Variants in STRBP observed in about 807,000 individuals in gnomAD.
STRBP encodes the protein spermatid perinuclear RNA binding protein.
Under a neutral mutation model 80.1 loss-of-function variants are expected in STRBP, and 13 were observed. That is an observed-to-expected ratio of 0.16 (90% CI 0.11 to 0.26). STRBP has a LOEUF of 0.26. Among genes scored for constraint, STRBP ranks in the 10% least tolerant of loss-of-function variants. The pLI is 1.00. For missense variants in STRBP, 485 were observed against 815.2 expected (o/e 0.59, Z 4.93); for synonymous variants, 284 against 291.2 (o/e 0.98, Z 0.25).
intron 2 of STRBP, among the ~76,000 whole-genome samples, chr9:123,236,321 ATTTC>A (rs999641753): frequency 3.2e-4 from 49 of 152,238 alleles, no homozygotes; most frequent in African/African-American, 1.2e-3. Context: ...TTCCTATTTT[ATTTC>A]TATTTCATTT....
chr9:123,133,137 C>T (rs2036210909), intron 16 of STRBP, among the ~76,000 whole-genome samples, 169 bp from the exon 17 acceptor site: 1 of 152,182 alleles, frequency 6.6e-6, no homozygotes, highest in African/African-American at 2.4e-5. Flanking sequence ...AAAAATGATA[C>T]CTACCTTACA....
intron 1 of STRBP, among the ~76,000 whole-genome samples, chr9:123,240,349 G>C (rs994432100): frequency 2.0e-5 from 3 of 152,054 alleles, no homozygotes; most frequent in African/African-American, 7.2e-5. Context: ...CCGAAATCTA[G>C]AGATCCTGCA....
intron 1 of STRBP, among the ~76,000 whole-genome samples, chr9:123,238,287 A>G (rs117610636): frequency 3.9e-5 from 6 of 152,352 alleles, no homozygotes; most frequent in Non-Finnish European, 8.8e-5. Flanking sequence ...CATTTCTAAA[A>G]AATACAATCA....
At chr9:123,199,490 T>C (rs2039230557) in intron 2 of STRBP, among the ~76,000 whole-genome samples, 1 of 152,248 alleles carries the variant, frequency 6.6e-6, no homozygotes, top group Non-Finnish European at 1.5e-5. Context: ...ATTTTCACAA[T>C]ATTGATTCTT....
chr9:123,216,598 T>A (rs748912044), intron 2 of STRBP, among the ~76,000 whole-genome samples: 2 of 152,168 alleles, frequency 1.3e-5, no homozygotes, highest in Non-Finnish European at 2.9e-5. Context: ...AATCCAAGCT[T>A]ATCAGAGTGT....
chr9:123,208,917 A>G (rs2039615439), intron 2 of STRBP, among the ~76,000 whole-genome samples: 1 of 152,162 alleles, frequency 6.6e-6, no homozygotes, highest in African/African-American at 2.4e-5. Context: ...TTCCCCGAAC[A>G]CTTTAGCTGT....
At chr9:123,218,419 G>A (rs1193874366) in intron 2 of STRBP, among the ~76,000 whole-genome samples, 2 of 145,120 alleles carry the variant, frequency 1.4e-5, no homozygotes, top group Non-Finnish European at 3.0e-5. Flanking sequence ...CCGGACTGCG[G>A]ACTGCAGTGG....
intron 2 of STRBP, among the ~76,000 whole-genome samples, chr9:123,187,963 T>C (rs1337722473): frequency 1.3e-5 from 2 of 152,072 alleles, no homozygotes; most frequent in African/African-American, 2.4e-5. Context: ...TACAGTATCA[T>C]ACAAAATAGT....
downstream of STRBP, among the ~76,000 whole-genome samples, chr9:123,118,204 G>A (rs2035676613): frequency 6.6e-6 from 1 of 152,164 alleles, no homozygotes; most frequent in South Asian, 2.1e-4. Context: ...AAAGGTAGCT[G>A]GAGAATTCAG....
At chr9:123,128,309 C>T (rs1434603229) in intron 17 of STRBP, 51 bp from the exon 18 acceptor site, 1 of 1,609,632 alleles carries the variant, frequency 6.2e-7, no homozygotes, top group East Asian at 2.2e-5. Flanking sequence ...GGGCAATCAT[C>T]ACTGGCCCAA....
chr9:123,260,598 T>C (rs878952850), intron 1 of STRBP, among the ~76,000 whole-genome samples: 3 of 152,194 alleles, frequency 2.0e-5, no homozygotes, highest in Non-Finnish European at 2.9e-5. Flanking sequence ...TAAGGAATTA[T>C]TGTTAATTTA....
intron 2 of STRBP, among the ~76,000 whole-genome samples, chr9:123,234,768 TG>T (rs2040502048): frequency 6.6e-6 from 1 of 152,024 alleles, no homozygotes; most frequent in Non-Finnish European, 1.5e-5. Context: ...AAGACCAGCC[TG>T]GCCAAGATGG....
intron 2 of STRBP, among the ~76,000 whole-genome samples, chr9:123,197,473 T>C (rs953765448): frequency 2.0e-5 from 3 of 152,056 alleles, no homozygotes; most frequent in South Asian, 2.1e-4. Flanking sequence ...ACCTAATGTG[T>C]AGTTTTTTGT....
chr9:123,215,995 T>C (rs577109192), intron 2 of STRBP, among the ~76,000 whole-genome samples: 9 of 152,314 alleles, frequency 5.9e-5, no homozygotes, highest in African/African-American at 1.9e-4. Context: ...GACTCAACCA[T>C]GCTTACTCTG....
intron 1 of STRBP, among the ~76,000 whole-genome samples, chr9:123,243,048 T>C (rs544655503): frequency 4.6e-5 from 7 of 152,178 alleles, no homozygotes; most frequent in African/African-American, 1.7e-4. Context: ...GGAGAAATTC[T>C]ACCAAATTTA....
In STRBP at chr9:123,146,972, T is replaced by C; in HGVS notation, c.1221A>G (p.Leu407=). 1.9e-6 allele frequency: 3 copies of C among 1,614,130 alleles called. No homozygotes were observed. The highest frequency in any genetic ancestry group is 2.5e-6 in the Non-Finnish European group (3 of 1,180,004). ...GGGCATGAACGGGGCCAGACTGAGA[T>C]AGGAGCTTATACTGAAGCCCAGGCC... ...QIRPGLQYKL[L]SQSGPVHAPV... The change falls in exon 13 of 19, where the codon CTA becomes CTG. Residue 407 remains leucine (L), a synonymous_variant. Transcript: ENST00000348403.
intron 3 of STRBP, among the ~76,000 whole-genome samples, chr9:123,182,596 C>G (rs1220295370): frequency 6.6e-6 from 1 of 152,150 alleles, no homozygotes; most frequent in African/African-American, 2.4e-5. Context: ...GGGAAAATCC[C>G]AAGTTAACAT....
intron 1 of STRBP, among the ~76,000 whole-genome samples, chr9:123,254,065 C>G (rs2040971497): frequency 6.6e-6 from 1 of 150,612 alleles, no homozygotes; most frequent in South Asian, 2.1e-4. Flanking sequence ...GGGAAAAAAT[C>G]TTAATTATTC....
At chr9:123,214,977 G>A (rs1186252657) in intron 2 of STRBP, among the ~76,000 whole-genome samples, 5 of 152,094 alleles carry the variant, frequency 3.3e-5, no homozygotes, top group Non-Finnish European at 7.4e-5. Flanking sequence ...ACTTGGTATG[G>A]ATAGTGAGTC....
Sources: allele counts gnomAD v4.1 joint callset (sites outside exome capture counted in the v4.1 genomes callset), GRCh38; gene constraint gnomAD v4.1.1; transcripts MANE v1.5; gene names NCBI Gene and HGNC (gene_info 2026-07-23, HGNC 2026-07-21).